Variants in LGSN observed in about 807,000 individuals in gnomAD.
LGSN encodes lengsin, lens protein with glutamine synthetase domain.
LGSN carries 21 observed loss-of-function variants against 19.5 expected under a neutral mutation model. The ratio of observed to expected loss-of-function variants is 1.07; its 90% CI spans 0.76 to 1.55. The LOEUF (loss-of-function observed/expected upper bound fraction) is 1.55, where lower values mean the gene tolerates loss of function less well. Ranked by LOEUF, LGSN falls within the 40% of genes most tolerant of loss-of-function variation. The pLI is 0.00. For missense variants in LGSN, 673 were observed against 608.5 expected (o/e 1.11, Z -1.12); for synonymous variants, 257 against 215.6 (o/e 1.19, Z -1.68).
At chr6:63,467,040 T>C in the LGSN span, among the ~76,000 whole-genome samples, 1 of 151,966 alleles carries the variant, frequency 6.6e-6, no homozygotes, top group Non-Finnish European at 1.5e-5. Context: ...TAAGTTGACA[T>C]AGAAAAAAAT....
chr6:63,409,192 G>A, the LGSN span, among the ~76,000 whole-genome samples: 1 of 152,198 alleles, frequency 6.6e-6, no homozygotes, highest in East Asian at 1.9e-4. Flanking sequence ...GATTATAGGT[G>A]TGAGCCACCA....
the LGSN span, among the ~76,000 whole-genome samples, chr6:63,369,955 T>C: frequency 6.6e-6 from 1 of 151,856 alleles, no homozygotes; most frequent in Admixed American, 6.6e-5. Context: ...TTAGCCAAGA[T>C]CAGGCCACTG....
the LGSN span, among the ~76,000 whole-genome samples, chr6:63,347,480 CAT>C: frequency 1.3e-5 from 2 of 152,176 alleles, no homozygotes; most frequent in Admixed American, 6.5e-5. Context: ...ACTGTTCAGA[CAT>C]ATAATTTCAA....
At chr6:63,292,072 T>C (rs188903857) in intron 2 of LGSN, among the ~76,000 whole-genome samples, 41 of 152,280 alleles carry the variant, frequency 2.7e-4, no homozygotes, top group African/African-American at 9.6e-4. Flanking sequence ...CCACCCCAGC[T>C]GACAACCAGC....
chr6:63,400,669 T>C, the LGSN span, among the ~76,000 whole-genome samples: 16 of 152,208 alleles, frequency 1.1e-4, no homozygotes, highest in African/African-American at 2.9e-4. Flanking sequence ...TGTTCTCCAA[T>C]CATCCAAAAA....
the LGSN span, among the ~76,000 whole-genome samples, chr6:63,455,807 G>T: frequency 6.6e-6 from 1 of 152,106 alleles, no homozygotes; most frequent in Non-Finnish European, 1.5e-5. Context: ...AGGCACAGTG[G>T]CTCAGGATTA....
At chr6:63,423,851 A>G in the LGSN span, among the ~76,000 whole-genome samples, 14 of 152,166 alleles carry the variant, frequency 9.2e-5, no homozygotes, top group Non-Finnish European at 1.9e-4. Flanking sequence ...CATCCTGGCC[A>G]ACGTGGTGAA....
intron 2 of LGSN, among the ~76,000 whole-genome samples, chr6:63,292,994 A>G (rs1402088902): frequency 1.3e-5 from 2 of 152,092 alleles, no homozygotes; most frequent in Non-Finnish European, 2.9e-5. Context: ...CCCTGTCATT[A>G]TAGATTTCCT....
At chr6:63,508,965 TG>T in the LGSN span, among the ~76,000 whole-genome samples, 1 of 150,144 alleles carries the variant, frequency 6.7e-6, no homozygotes, top group African/African-American at 2.5e-5. Flanking sequence ...GGTGACTGAG[TG>T]AGGTGATAGT....
At chr6:63,421,289 G>A in the LGSN span, among the ~76,000 whole-genome samples, 1 of 152,072 alleles carries the variant, frequency 6.6e-6, no homozygotes, top group Non-Finnish European at 1.5e-5. Flanking sequence ...AGGCGTGATG[G>A]CACACACCTG....
the LGSN span, among the ~76,000 whole-genome samples, chr6:63,551,421 C>T: frequency 3.7e-3 from 563 of 152,258 alleles, 3 homozygotes; most frequent in Non-Finnish European, 6.7e-3. Flanking sequence ...AATAAAATGT[C>T]CACAATTCAT....
chr6:63,337,144 C>CA, the LGSN span, among the ~76,000 whole-genome samples: 1 of 150,406 alleles, frequency 6.6e-6, no homozygotes. Flanking sequence ...AGGCTGGTCT[C>CA]AAATCCCTGA....
Position 63,285,605 on chromosome 6 carries a change from G to C in LGSN, c.312C>G (p.Ile104Met). The C allele has an allele frequency of 3.7e-6, 6 of 1,613,726 alleles. No homozygotes were observed. The highest frequency in any genetic ancestry group is 5.1e-6 in the Non-Finnish European group (6 of 1,179,754). ...AACTCACTTGAAAAAAGTGTGCAGG[G>C]ATAGTCTTAGACCTGGACACGCCGT... ...DLHGVSRSKTIPAHFFQEKVS... is the reference protein window; with the variant it reads ...DLHGVSRSKTMPAHFFQEKVS... Residue 104 changes from isoleucine to methionine, a missense_variant, in exon 3 of 4, where the codon ATC becomes ATG. Physicochemically the swap from Ile to Met is conservative, Grantham distance 10. Coordinates refer to ENST00000370657, the MANE Select transcript of LGSN (RefSeq NM_016571.3).
the LGSN span, among the ~76,000 whole-genome samples, chr6:63,392,881 CTTTTTTTTTTTTT>C: frequency 4.5e-5 from 5 of 109,942 alleles, no homozygotes; most frequent in Admixed American, 9.5e-5. Context: ...TCTTCTTCTT[CTTTTTTTTTTTTT>C]TTTTTTTTTT....
the LGSN span, among the ~76,000 whole-genome samples, chr6:63,385,784 T>C: frequency 6.6e-6 from 1 of 152,232 alleles, no homozygotes; most frequent in Non-Finnish European, 1.5e-5. Context: ...TTCCAAAATG[T>C]AGGCAAATTC....
chr6:63,531,103 G>A, the LGSN span, among the ~76,000 whole-genome samples: 1 of 152,128 alleles, frequency 6.6e-6, no homozygotes, highest in African/African-American at 2.4e-5. Context: ...CAGGTTTCAA[G>A]CACAGTTCCC....
intron 2 of LGSN, among the ~76,000 whole-genome samples, chr6:63,294,166 C>T (rs1355719687): frequency 4.6e-5 from 7 of 152,102 alleles, no homozygotes; most frequent in Admixed American, 3.3e-4. Flanking sequence ...GAAACCCCAT[C>T]TCTACTAGAA....
At chr6:63,323,559 TACACACAC>T (rs58400159), upstream of LGSN, among the ~76,000 whole-genome samples, 1,723 of 132,820 alleles carry the variant, frequency 0.013, 33 homozygotes, top group African/African-American at 0.042. Context: ...AAACCTCATA[TACACACAC>T]ACACACACAC....
chr6:63,534,395 A>G, the LGSN span, among the ~76,000 whole-genome samples: 1 of 152,050 alleles, frequency 6.6e-6, no homozygotes, highest in East Asian at 1.9e-4. Context: ...TAAACCTGAT[A>G]CATTTCTCCA....
Sources: allele counts gnomAD v4.1 joint callset (sites outside exome capture counted in the v4.1 genomes callset), GRCh38; gene constraint gnomAD v4.1.1; transcripts MANE v1.5; gene names NCBI Gene and HGNC (gene_info 2026-07-23, HGNC 2026-07-21).